The following CPE variants were observed in gnomAD, a reference collection of about 807,000 sequenced individuals.
The protein encoded by CPE is carbocypeptidase E.
A neutral mutation model predicts 53.5 loss-of-function variants in CPE; 17 were observed. The ratio of observed to expected loss-of-function variants is 0.32; its 90% CI spans 0.22 to 0.48. The LOEUF (loss-of-function observed/expected upper bound fraction) is 0.48, where lower values mean the gene tolerates loss of function less well. Ranked by LOEUF, CPE falls within the 20% of genes least tolerant of loss-of-function variation. The probability of loss-of-function intolerance (pLI) is 0.99; values close to 1 mark genes in which losing one functional copy is unlikely to be tolerated. For missense variants in CPE, 524 were observed against 614.7 expected (o/e 0.85, Z 1.56); for synonymous variants, 226 against 228.8 (o/e 0.99, Z 0.11).
intron 1 of CPE, among the ~76,000 whole-genome samples, chr4:165,400,496 G>T (rs1327628419): frequency 2.0e-5 from 3 of 152,188 alleles, no homozygotes; most frequent in African/African-American, 7.2e-5. Context: ...GATGCCCAGT[G>T]CTGTGGAAGT....
intron 7 of CPE, among the ~76,000 whole-genome samples, chr4:165,494,902 G>A (rs1732680489): frequency 6.6e-6 from 1 of 152,178 alleles, no homozygotes; most frequent in Non-Finnish European, 1.5e-5. Flanking sequence ...GGTGTGAAGT[G>A]TCTACGAAAA....
chr4:165,391,119 A>G (rs1275768067), intron 1 of CPE, among the ~76,000 whole-genome samples: 1 of 152,052 alleles, frequency 6.6e-6, no homozygotes, highest in African/African-American at 2.4e-5. Context: ...AGTGTGAGGT[A>G]TTTTTCCTGA....
chr4:165,404,853 G>A, intron 1 of CPE: 1 of 764,822 alleles, frequency 1.3e-6, no homozygotes, highest in Non-Finnish European at 2.5e-6. Context: ...TTGTCTGCGG[G>A]AGAGAAGTAG....
At position 165,495,592 on chromosome 4, in the gene CPE, C is replaced by G. The variant is rs148540804; in HGVS notation, c.1247C>G (p.Pro416Arg). ...GGTGATTACTGGAGATTGCTTATAC[C>G]TGGAAACTATAAACTTACAGCCTCA... Reference protein sequence around the residue: ...KDGDYWRLLIPGNYKLTASAP... With the variant: ...KDGDYWRLLIRGNYKLTASAP... The change falls in exon 8 of 9, where the codon CCT becomes CGT. Residue 416 changes from proline to arginine, a missense_variant. Physicochemically the swap from Pro to Arg is moderately radical, Grantham distance 103. Coordinates refer to ENST00000402744, the MANE Select transcript of CPE (RefSeq NM_001873.4). 2 of 1,613,546 alleles carry G rather than the reference C, an allele frequency of 1.2e-6. No homozygotes were observed. Among genetic ancestry groups the G allele is most frequent in the African/African-American group, 2.7e-5 (2 of 74,892 alleles).
chr4:165,444,017 A>T (rs1579264228), intron 1 of CPE, among the ~76,000 whole-genome samples: 1 of 152,204 alleles, frequency 6.6e-6, no homozygotes, highest in African/African-American at 2.4e-5. Context: ...GACCTTGGCC[A>T]TCCTAGCATT....
intron 1 of CPE, among the ~76,000 whole-genome samples, chr4:165,460,043 G>A (rs549931317): frequency 1.3e-4 from 20 of 152,164 alleles, no homozygotes; most frequent in African/African-American, 4.3e-4. Context: ...CCCGTTGCTA[G>A]GAGAGAGATG....
rs997460402 is a variant in CPE, at chr4:165,495,783, G to C, written c.1332+106G>C. 6 of 675,416 alleles carry C rather than the reference G, an allele frequency of 8.9e-6. No individual in the cohort carries two copies. The African/African-American group carries it at 1.1e-4, about 12-fold the overall frequency. 41.8% of individuals were successfully genotyped at this position (675,416 alleles called of 1,614,324 possible). A position where few individuals can be genotyped will look rare whatever the true frequency, so the allele number is the denominator to read the frequency against. ...TTTAATCTTCGTACTAGCCCTATGA[G>C]GTAGGCAACATTGTTATCTCAACTT... On this transcript the variant is annotated intron_variant, in intron 8 of 8. Transcript: ENST00000402744.
intron 1 of CPE, among the ~76,000 whole-genome samples, chr4:165,425,744 G>C (rs13103665): frequency 0.3 from 44,899 of 151,876 alleles, 6,719 homozygotes; most frequent in Middle Eastern, 0.39. Context: ...TTGCTACCTA[G>C]GGGACATTTG....
In CPE at chr4:165,439,559, CT is replaced by C. The variant is rs34260738; in HGVS notation, c.308-24819del. 2.2e-3 allele frequency among the ~76,000 whole-genome samples: 317 copies of C among 146,458 alleles called. 1 individual carries two copies. The highest frequency in any genetic ancestry group is 4.1e-3 in the African/African-American group (164 of 40,010). ...GTGTTGTGGCAGAAGTCGGCTGAAG[CT>C]TTTTTTTTTTTAATGTGACTCATGT... On this transcript the variant is annotated intron_variant, in intron 1 of 8. Coordinates refer to ENST00000402744, the MANE Select transcript of CPE (RefSeq NM_001873.4).
Position 165,483,658 on chromosome 4 carries a change from T to C in CPE, c.791-764T>C, listed in dbSNP as rs189755360. Among the ~76,000 whole-genome samples, 932 of 152,338 alleles carry C rather than the reference T, an allele frequency of 6.1e-3. 10 individuals carry two copies. Among genetic ancestry groups the C allele is most frequent in the African/African-American group, 0.021 (853 of 41,582 alleles). On this transcript the variant is annotated intron_variant, in intron 4 of 8. Coordinates refer to ENST00000402744, the MANE Select transcript of CPE (RefSeq NM_001873.4). ...CTGTTGTTTTTTGACTTTTTAATCA[T>C]AGCCATTCTAAGTCATGTAATATGA...
chr4:165,449,030 G>A (rs1731765657), intron 1 of CPE, among the ~76,000 whole-genome samples: 1 of 152,206 alleles, frequency 6.6e-6, no homozygotes, highest in South Asian at 2.1e-4. Flanking sequence ...GCGTGTGTTT[G>A]TGTGCACACA....
At chr4:165,395,958 A>G (rs1374445976) in intron 1 of CPE, among the ~76,000 whole-genome samples, 1 of 152,194 alleles carries the variant, frequency 6.6e-6, no homozygotes, top group African/African-American at 2.4e-5. Context: ...GCTTTCATCC[A>G]ATCGGTTATT....
intron 1 of CPE, among the ~76,000 whole-genome samples, chr4:165,442,024 TTTTTTTTTTTTGTTTTTTTTTTG>T (rs1560883412): frequency 2.0e-5 from 1 of 49,000 alleles, no homozygotes; most frequent in African/African-American, 8.5e-5. Context: ...GGTGAGTTTG[TTTTTTTTTTTTGTTTTTTTTTTG>T]TTTTTTTTTT....
intron 1 of CPE, chr4:165,404,924 G>C: frequency 1.3e-6 from 1 of 760,514 alleles, no homozygotes; most frequent in Non-Finnish European, 2.5e-6. Context: ...GACTGGGAGA[G>C]GAGATGTGTT....
chr4:165,416,818 C>T (rs917583352), intron 1 of CPE, among the ~76,000 whole-genome samples: 2 of 151,878 alleles, frequency 1.3e-5, no homozygotes, highest in African/African-American at 4.8e-5. Context: ...CACCAGGGAC[C>T]TTCTCTGTCT....
chr4:165,493,216 C>G lies in CPE; in HGVS notation c.1159C>G (p.Pro387Ala). ...KGFVRDLQGNPIANATISVEG... is the reference protein window; with the variant it reads ...KGFVRDLQGNAIANATISVEG... ...ATTTGTCCGAGACCTTCAAGGTAACCCAATTGCGAATGCCACCATCTCCGT... is the reference window on the plus strand; with the variant it reads ...ATTTGTCCGAGACCTTCAAGGTAACGCAATTGCGAATGCCACCATCTCCGT... The change falls in exon 7 of 9, where the codon CCA becomes GCA. Residue 387 changes from proline (P) to alanine (A), a missense_variant. By Grantham distance (27) the Pro-to-Ala change is conservative (BLOSUM62 -1). Coordinates refer to ENST00000402744, the MANE Select transcript of CPE (RefSeq NM_001873.4). The G allele has an allele frequency of 6.2e-7, 1 of 1,614,022 alleles. No homozygotes were observed. The highest frequency in any genetic ancestry group is 8.5e-7 in the Non-Finnish European group (1 of 1,179,960).
intron 1 of CPE, chr4:165,418,134 G>T (rs1053260970): frequency 6.6e-6 from 1 of 152,148 alleles, no homozygotes; most frequent in Non-Finnish European, 1.5e-5. Context: ...TGTTTAAAAC[G>T]CAAATATCAC....
intron 1 of CPE, among the ~76,000 whole-genome samples, chr4:165,439,571 T>A (rs1172094486): frequency 1.3e-5 from 2 of 151,808 alleles, no homozygotes; most frequent in Non-Finnish European, 2.9e-5. Flanking sequence ...TTTTTTTTTT[T>A]AATGTGACTC....
intron 1 of CPE, among the ~76,000 whole-genome samples, chr4:165,450,864 A>T (rs1302065965): frequency 6.6e-6 from 1 of 152,234 alleles, no homozygotes; most frequent in Non-Finnish European, 1.5e-5. Flanking sequence ...AGTAGGTTGG[A>T]GTAAGAAAAA....
Sources: allele counts gnomAD v4.1 joint callset (sites outside exome capture counted in the v4.1 genomes callset), GRCh38; gene constraint gnomAD v4.1.1; transcripts MANE v1.5; gene names NCBI Gene and HGNC (gene_info 2026-07-23, HGNC 2026-07-21).